The following MAN1C1 variants were observed in gnomAD, a reference collection of about 807,000 sequenced individuals.
The protein encoded by MAN1C1 is mannosyl-oligosaccharide 1,2-alpha-mannosidase IC.
A neutral mutation model predicts 71.5 loss-of-function variants in MAN1C1; 49 were observed. The observed-to-expected ratio is 0.69, with a 90% CI of 0.54 to 0.87. MAN1C1 has a LOEUF of 0.87. Ranked by LOEUF, MAN1C1 falls within the 40% of genes least tolerant of loss-of-function variation. The pLI is 0.00. For synonymous variants in MAN1C1, 352 were observed against 343.7 expected (o/e 1.02, Z -0.27); for missense variants, 743 against 835.0 (o/e 0.89, Z 1.36).
At chr1:25,657,770 C>T (rs924019213) in intron 1 of MAN1C1, among the ~76,000 whole-genome samples, 6 of 152,192 alleles carry the variant, frequency 3.9e-5, no homozygotes, top group African/African-American at 1.4e-4. Context: ...GGGGCTTTGG[C>T]CTCAGTAAGT....
intron 1 of MAN1C1, among the ~76,000 whole-genome samples, chr1:25,628,072 G>A (rs1270651664): frequency 6.6e-6 from 1 of 151,960 alleles, no homozygotes; most frequent in Non-Finnish European, 1.5e-5. Context: ...GACTGAGTTT[G>A]ACTTGAATCC....
In MAN1C1 at chr1:25,758,573, G is replaced by T. The variant is rs371728666; in HGVS notation, c.930-19G>T. 3 of 1,612,290 alleles carry T rather than the reference G, an allele frequency of 1.9e-6. No individual in the cohort carries two copies. Among genetic ancestry groups the T allele is most frequent in the Non-Finnish European group, 1.7e-6 (2 of 1,178,646 alleles). ...CCTGGCCAAAGGGGGGATGACGGGG[G>T]CTGCTTCTGTCTTTTCAGTGGGAAC... On this transcript the variant is annotated intron_variant, in intron 5 of 11. Coordinates refer to ENST00000374332, the MANE Select transcript of MAN1C1 (RefSeq NM_020379.4).
intron 1 of MAN1C1, among the ~76,000 whole-genome samples, chr1:25,636,868 C>T (rs2045468764): frequency 6.6e-6 from 1 of 152,274 alleles, no homozygotes; most frequent in Non-Finnish European, 1.5e-5. Context: ...CTTCCCACAA[C>T]ACTCGGCCAG....
intron 1 of MAN1C1, among the ~76,000 whole-genome samples, chr1:25,624,943 G>GT (rs2045271027): frequency 6.8e-6 from 1 of 147,896 alleles, no homozygotes; most frequent in Admixed American, 6.7e-5. Context: ...CAACAACCTT[G>GT]TGTTGTAGCT....
intron 1 of MAN1C1, among the ~76,000 whole-genome samples, chr1:25,618,609 G>A (rs868278222): frequency 1.3e-5 from 2 of 151,784 alleles, no homozygotes; most frequent in Non-Finnish European, 2.9e-5. Context: ...CTCACTCCCA[G>A]ACTCTGGTAT....
chr1:25,756,424 A>C (rs113335206), intron 5 of MAN1C1, among the ~76,000 whole-genome samples: 1 of 151,896 alleles, frequency 6.6e-6, no homozygotes. Context: ...GAGGGTGAGC[A>C]TGTGGGGGTG....
intron 5 of MAN1C1, among the ~76,000 whole-genome samples, chr1:25,755,298 C>T (rs757276478): frequency 4.6e-5 from 7 of 152,202 alleles, no homozygotes; most frequent in South Asian, 4.1e-4. Context: ...GGGAGAGTGA[C>T]GGTGGCCTGT....
chr1:25,717,637 G>T (rs915098871), intron 2 of MAN1C1, among the ~76,000 whole-genome samples: 1 of 149,948 alleles, frequency 6.7e-6, no homozygotes, highest in African/African-American at 2.5e-5. Context: ...GTGCAGTGGC[G>T]CAATCTCGGC....
chr1:25,621,588 C>CTTGGTTGTGTTTTTGTTGTTGTTGTTTTT (rs2045210311), intron 1 of MAN1C1, among the ~76,000 whole-genome samples: 1 of 151,756 alleles, frequency 6.6e-6, no homozygotes, highest in Non-Finnish European at 1.5e-5. Flanking sequence ...ACCCATGATG[C>CTTGGTTGTGTTTTTGTTGTTGTTGTTTTT]TTGGTTGTGT....
chr1:25,618,471 C>G, intron 1 of MAN1C1, 134 bp downstream of exon 1: 2 of 803,054 alleles, frequency 2.5e-6, no homozygotes, highest in African/African-American at 1.8e-5. Flanking sequence ...GCAGACTGCA[C>G]TTTGCACCTT....
chr1:25,780,727 C>T (rs569636517), intron 9 of MAN1C1: 105 of 535,160 alleles, frequency 2.0e-4, no homozygotes, highest in East Asian at 1.2e-3. Flanking sequence ...TTCCAGTCCC[C>T]GAGGGTCTTG....
rs1306324592 is a variant in MAN1C1 at position 25,616,972 on chromosome 1, G to A, written c.-826G>A. ...CGCTCCGCGGAGCCGGCGGGGCCGG[G>A]AACAGGTGATCCCAGTGGGAGCCCC... On this transcript the variant is annotated 5_prime_UTR_variant, in exon 1 of 12. Coordinates refer to ENST00000374332, the MANE Select transcript of MAN1C1 (RefSeq NM_020379.4). The surrounding 1 kb of genome is among the most constrained non-coding windows in gnomAD (Gnocchi z 5.6). Among the ~76,000 whole-genome samples the A allele has an allele frequency of 6.6e-6, 1 of 151,406 alleles. No homozygotes were observed. The highest frequency in any genetic ancestry group is 2.4e-5 in the African/African-American group (1 of 41,336).
intron 1 of MAN1C1, among the ~76,000 whole-genome samples, chr1:25,665,023 G>A (rs746293737): frequency 1.3e-5 from 2 of 152,216 alleles, no homozygotes; most frequent in Non-Finnish European, 2.9e-5. Context: ...GGCCACTGAC[G>A]CTAGCAGGTG....
At chr1:25,645,953 A>T (rs985307601) in intron 1 of MAN1C1, 2 of 152,252 alleles carry the variant, frequency 1.3e-5, no homozygotes, top group Non-Finnish European at 2.9e-5. Context: ...GTCTTGCCCA[A>T]ATCACTCTGA....
At position 25,735,800 on chromosome 1, in the gene MAN1C1, C is replaced by A. The variant is rs1053797802; in HGVS notation, c.638-10868C>A. Among the ~76,000 whole-genome samples, 1 of 152,146 alleles carries A rather than the reference C, an allele frequency of 6.6e-6. No individual in the cohort carries two copies. Among genetic ancestry groups the A allele is most frequent in the Non-Finnish European group, 1.5e-5 (1 of 68,016 alleles). On this transcript the variant is annotated intron_variant, in intron 2 of 11. Transcript: ENST00000374332. The surrounding 1 kb of genome is among the most constrained non-coding windows in gnomAD (Gnocchi z 4.6). ...CTCATGGTGAAGGGTGGGAGCCTAA[C>A]GGAGCAAGCCCAGCCATGCAAGCAT...
rs762282014 is a variant in MAN1C1 at position 25,618,319 on chromosome 1, G to T, written c.522G>T (p.Gln174His). Residue 174 changes from glutamine (Q) to histidine (H), a missense_variant, in exon 1 of 12, where the codon CAG becomes CAT. Physicochemically the swap from Gln to His is conservative, Grantham distance 24. Coordinates refer to ENST00000374332, the MANE Select transcript of MAN1C1 (RefSeq NM_020379.4). The stretch of plus-strand genomic sequence containing the variant: ...AGCCCCAGAGCCAAGTGCGAGCCCA[G>T]CGGGAGAAAATCAAGGAGGTATGGA... ...SQEPQSQVRAQREKIKEMMQF... is the reference protein window; with the variant it reads ...SQEPQSQVRAHREKIKEMMQF... The T allele has an allele frequency of 1.2e-6, 2 of 1,601,744 alleles. No individual in the cohort carries two copies. The highest frequency in any genetic ancestry group is 1.7e-6 in the Non-Finnish European group (2 of 1,176,106).
At chr1:25,744,532 G>A (rs1049831059) in intron 2 of MAN1C1, among the ~76,000 whole-genome samples, 7 of 151,972 alleles carry the variant, frequency 4.6e-5, no homozygotes, top group Admixed American at 6.6e-5. Flanking sequence ...AGGACACAGG[G>A]CTGGGTGCCT....
intron 1 of MAN1C1, among the ~76,000 whole-genome samples, chr1:25,649,981 C>T (rs536955358): frequency 6.6e-6 from 1 of 152,260 alleles, no homozygotes; most frequent in Admixed American, 6.5e-5. Flanking sequence ...GATGCTCCAT[C>T]TTGTCTGTGG....
At chr1:25,731,313 A>G (rs1442433563) in intron 2 of MAN1C1, among the ~76,000 whole-genome samples, 2 of 150,688 alleles carry the variant, frequency 1.3e-5, no homozygotes, top group African/African-American at 5.0e-5. Flanking sequence ...CTGACTCAAA[A>G]AATAACAATA....
Sources: gnomAD v4.1 joint callset for allele counts (sites outside exome capture counted in the v4.1 genomes callset) on GRCh38, gnomAD v4.1.1 for gene constraint, Gnocchi (gnomAD v3.1) non-coding constraint, MANE v1.5 for transcripts, NCBI Gene and HGNC (gene_info 2026-07-23, HGNC 2026-07-21) for gene names.